The following TMEM38B variants were observed in gnomAD, a reference collection of about 807,000 sequenced individuals.
TMEM38B encodes the protein trimeric intracellular cation channel type B.
TMEM38B carries 24 observed loss-of-function variants against 28.7 expected under a neutral mutation model. That is an observed-to-expected ratio of 0.84 (90% CI 0.61 to 1.18). TMEM38B has a LOEUF of 1.18. Ranked by LOEUF, TMEM38B falls within the 50% of genes most tolerant of loss-of-function variation. TMEM38B has a pLI of 0.00. For synonymous variants in TMEM38B, 131 were observed against 127.7 expected (o/e 1.03, Z -0.17); for missense variants, 380 against 350.9 (o/e 1.08, Z -0.66).
chr9:105,748,603 A>G (rs546113922), intron 5 of TMEM38B, among the ~76,000 whole-genome samples: 8 of 152,148 alleles, frequency 5.3e-5, no homozygotes, highest in Non-Finnish European at 8.8e-5. Flanking sequence ...TTCTATTACT[A>G]TTGCCTGGTT....
At chr9:105,710,955 A>G (rs1351867025) in intron 2 of TMEM38B, among the ~76,000 whole-genome samples, 6 of 152,144 alleles carry the variant, frequency 3.9e-5, no homozygotes, top group Non-Finnish European at 7.3e-5. Context: ...CAAAGCTGGG[A>G]CCACGGTGGT....
chr9:105,701,135 C>G (rs1157792911), intron 1 of TMEM38B: 1 of 152,074 alleles, frequency 6.6e-6, no homozygotes, highest in Non-Finnish European at 1.5e-5. Flanking sequence ...TACTTTTTGC[C>G]TTTTCAATAA....
intron 4 of TMEM38B, among the ~76,000 whole-genome samples, chr9:105,723,295 C>A (rs1836387428): frequency 6.6e-6 from 1 of 152,152 alleles, no homozygotes; most frequent in Non-Finnish European, 1.5e-5. Flanking sequence ...AGTCATAGCT[C>A]ACTGCAGCCT....
intron 4 of TMEM38B, among the ~76,000 whole-genome samples, chr9:105,727,097 C>G (rs554344405): frequency 1.3e-5 from 2 of 152,238 alleles, no homozygotes; most frequent in South Asian, 4.2e-4. Flanking sequence ...ACCCATTTAA[C>G]AAAAATCCTG....
rs111753753 is a variant in TMEM38B at position 105,706,986 on chromosome 9, C to T, written c.269+1233C>T. Reference sequence around the variant, plus strand: ...AGAGACGGGGTTTCACAATGTTGGCCAGGCTGTTCTCAAACTTCTGATGTC... The same window carrying T: ...AGAGACGGGGTTTCACAATGTTGGCTAGGCTGTTCTCAAACTTCTGATGTC... On this transcript the variant is annotated intron_variant, in intron 2 of 5. Transcript: ENST00000374692. Among the ~76,000 whole-genome samples, 791 of 152,214 alleles carry T rather than the reference C, an allele frequency of 5.2e-3. 4 individuals are homozygous for T. Among genetic ancestry groups the T allele is most frequent in the Non-Finnish European group, 8.9e-3 (607 of 68,012 alleles).
intron 2 of TMEM38B, among the ~76,000 whole-genome samples, chr9:105,718,487 C>T (rs1836196131): frequency 6.6e-6 from 1 of 152,200 alleles, no homozygotes; most frequent in Non-Finnish European, 1.5e-5. Context: ...ATCCTCCCGC[C>T]TTGGCCTCCC....
intron 5 of TMEM38B, among the ~76,000 whole-genome samples, chr9:105,771,977 C>G (rs1826559561): frequency 6.6e-6 from 1 of 152,216 alleles, no homozygotes; most frequent in South Asian, 2.1e-4. Flanking sequence ...AGTTAATGCA[C>G]AAGCAGAATA....
chr9:105,747,089 A>G (rs1837431729), intron 4 of TMEM38B, among the ~76,000 whole-genome samples: 1 of 152,234 alleles, frequency 6.6e-6, no homozygotes, highest in Admixed American at 6.5e-5. Flanking sequence ...TGCTGGCCTC[A>G]TAAAATGAGT....
At chr9:105,710,518 C>T in intron 2 of TMEM38B, 1 of 1,184,054 alleles carries the variant, frequency 8.4e-7, no homozygotes, top group Non-Finnish European at 1.3e-6. Context: ...TCCGATCCCC[C>T]TGGGCAAACT....
At chr9:105,715,862 AT>A (rs778968812) in intron 2 of TMEM38B, among the ~76,000 whole-genome samples, 5 of 151,402 alleles carry the variant, frequency 3.3e-5, no homozygotes, top group Non-Finnish European at 5.9e-5. Context: ...TTGTTTGCAC[AT>A]TTTCCTGAGT....
intron 5 of TMEM38B, among the ~76,000 whole-genome samples, chr9:105,761,794 T>C (rs946761500): frequency 2.4e-4 from 36 of 152,188 alleles, no homozygotes; most frequent in Non-Finnish European, 1.5e-5. Context: ...GTCTAGGGAT[T>C]AGTATTTCTT....
At chr9:105,761,731 C>T (rs1478533566) in intron 5 of TMEM38B, among the ~76,000 whole-genome samples, 1 of 152,110 alleles carries the variant, frequency 6.6e-6, no homozygotes, top group Admixed American at 6.6e-5. Flanking sequence ...TTAAAACAGC[C>T]TATATGCCCA....
intron 4 of TMEM38B, among the ~76,000 whole-genome samples, chr9:105,738,701 G>C (rs1837073090): frequency 6.9e-6 from 1 of 143,968 alleles, no homozygotes; most frequent in African/African-American, 2.7e-5. Flanking sequence ...AGATCCATAT[G>C]AGTTAATTTT....
intron 1 of TMEM38B, chr9:105,701,298 A>G (rs1835453427): frequency 1.3e-5 from 2 of 152,088 alleles, no homozygotes; most frequent in Admixed American, 6.6e-5. Flanking sequence ...GCTACTTGCC[A>G]GTCTTCAGAC....
intron 4 of TMEM38B, among the ~76,000 whole-genome samples, chr9:105,735,273 T>G (rs934265038): frequency 6.6e-6 from 1 of 152,206 alleles, no homozygotes; most frequent in Non-Finnish European, 1.5e-5. Flanking sequence ...AGATGTTGTT[T>G]TTGACCATTT....
Position 105,722,574 on chromosome 9 carries a change from A to G in TMEM38B, c.495A>G (p.Val165=), listed in dbSNP as rs113133534. Residue 165 remains valine, a synonymous_variant, in exon 4 of 6, where the codon GTA becomes GTG. Coordinates refer to ENST00000374692, the MANE Select transcript of TMEM38B (RefSeq NM_018112.3). ...TTATAACGAATTTTGAGAGGTTGGTAAAAGGAGATTGGAAACCAGAAGGTG... is the reference window on the plus strand; with the variant it reads ...TTATAACGAATTTTGAGAGGTTGGTGAAAGGAGATTGGAAACCAGAAGGTG... The part of the protein sequence containing the change: ...GTIITNFERL[V]KGDWKPEGDE... The G allele has an allele frequency of 2.2e-4, 362 of 1,613,730 alleles. 2 individuals are homozygous for G. The African/African-American group carries it at 4.2e-3, about 19-fold the overall frequency.
At chr9:105,728,551 G>A (rs772316419) in intron 4 of TMEM38B, among the ~76,000 whole-genome samples, 1 of 152,124 alleles carries the variant, frequency 6.6e-6, no homozygotes, top group African/African-American at 2.4e-5. Flanking sequence ...GTAAACATAC[G>A]TGTGCATGTG....
At chr9:105,749,118 A>G in intron 5 of TMEM38B, 7 of 1,302,802 alleles carry the variant, frequency 5.4e-6, no homozygotes, top group East Asian at 1.1e-4. Context: ...TCAGGTAACA[A>G]ATATTGGAGG....
At chr9:105,719,233 T>C (rs776608496) in intron 2 of TMEM38B, among the ~76,000 whole-genome samples, 1 of 152,216 alleles carries the variant, frequency 6.6e-6, no homozygotes, top group African/African-American at 2.4e-5. Flanking sequence ...GTTTATTCTT[T>C]CGTTATTTTT....
Sources: gnomAD v4.1 joint callset for allele counts (sites outside exome capture counted in the v4.1 genomes callset) on GRCh38, gnomAD v4.1.1 for gene constraint, MANE v1.5 for transcripts, NCBI Gene and HGNC (gene_info 2026-07-23, HGNC 2026-07-21) for gene names.